Variants in NFASC observed in about 807,000 individuals in gnomAD.
NFASC encodes neurofascin homolog.
In NFASC, 43 loss-of-function variants were observed where a neutral mutation model predicts 147.5. The ratio of observed to expected loss-of-function variants is 0.29; its 90% CI spans 0.23 to 0.38. The LOEUF (loss-of-function observed/expected upper bound fraction) is 0.38, where lower values mean the gene tolerates loss of function less well. NFASC is among the 10% of genes least tolerant of loss of function. NFASC has a pLI of 1.00. For missense variants in NFASC, 1,320 were observed against 1,689.0 expected, an observed-to-expected ratio of 0.78 and a Z score of 3.83; for synonymous variants, 622 against 665.5, an observed-to-expected ratio of 0.93 and a Z score of 1.01.
chr1:204,994,916 C>T (rs1310458380), intron 24 of NFASC, among the ~76,000 whole-genome samples: 1 of 151,782 alleles, frequency 6.6e-6, no homozygotes, highest in African/African-American at 2.4e-5. Context: ...AGTTCAAGAC[C>T]AGCCTGGGTT....
chr1:204,980,790 A>G (rs544675421), intron 20 of NFASC, among the ~76,000 whole-genome samples: 1 of 152,292 alleles, frequency 6.6e-6, no homozygotes, highest in Non-Finnish European at 1.5e-5. Context: ...TCTAAGCACA[A>G]CACCAAACCA....
intron 8 of NFASC, chr1:204,967,970 T>TATCATTCAAAAAGA: frequency 3.0e-6 from 1 of 337,678 alleles, no homozygotes; most frequent in Middle Eastern, 8.5e-4. Context: ...CCCCTCCCCG[T>TATCATTCAAAAAGA]TCCAGGGAAG....
chr1:204,856,938 G>T (rs1473459762), intron 1 of NFASC, among the ~76,000 whole-genome samples: 1 of 152,078 alleles, frequency 6.6e-6, no homozygotes, highest in Non-Finnish European at 1.5e-5. Flanking sequence ...ATAGATTTTT[G>T]GACTGTTTCC....
chr1:204,883,534 A>G (rs565138759), intron 1 of NFASC, among the ~76,000 whole-genome samples: 1 of 152,278 alleles, frequency 6.6e-6, no homozygotes, highest in East Asian at 1.9e-4. Flanking sequence ...GTGGAAGATG[A>G]CCCAGCCCTC....
At chr1:204,837,152 T>A (rs1362573560) in intron 1 of NFASC, among the ~76,000 whole-genome samples, 1 of 152,204 alleles carries the variant, frequency 6.6e-6, no homozygotes, top group East Asian at 1.9e-4. Context: ...TGATAGGTAA[T>A]TAAGTTTCTA....
intron 1 of NFASC, among the ~76,000 whole-genome samples, chr1:204,887,823 C>T (rs1332208965): frequency 6.6e-6 from 1 of 152,016 alleles, no homozygotes; most frequent in Admixed American, 6.6e-5. Flanking sequence ...GTCTCAAACT[C>T]CTGGGCCCAA....
Position 204,968,172 on chromosome 1 carries a change from C to A in NFASC, c.707-77C>A. ...GCAGGGGCGGTGATGCCACTTCTCT[C>A]TAGCCTGACAGCGTTGGCCTAGTGG... On this transcript the variant is annotated intron_variant, in intron 8 of 29. Coordinates refer to ENST00000339876, the MANE Select transcript of NFASC (RefSeq NM_001005388.3). This position sits in a 1 kb window ranked among gnomAD's most constrained non-coding sequence, Gnocchi z 5.4. The A allele has an allele frequency of 9.3e-7, 1 of 1,074,136 alleles. No homozygotes were observed. Among genetic ancestry groups the A allele is most frequent in the Non-Finnish European group, 1.4e-6 (1 of 693,830 alleles). 66.5% of individuals were successfully genotyped at this position (1,074,136 alleles called of 1,614,324 possible).
intron 5 of NFASC, 51 bp downstream of exon 5, chr1:204,952,167 C>A: frequency 2.1e-6 from 3 of 1,405,328 alleles, no homozygotes; most frequent in Non-Finnish European, 3.0e-6. Context: ...TGCCTCTGGG[C>A]CTGATGATAA....
intron 2 of NFASC, among the ~76,000 whole-genome samples, chr1:204,930,776 A>G (rs1214792572): frequency 6.6e-6 from 1 of 152,234 alleles, no homozygotes; most frequent in Admixed American, 6.5e-5. Flanking sequence ...AAGGAAGAGA[A>G]TAGCATTTCT....
intron 1 of NFASC, among the ~76,000 whole-genome samples, chr1:204,840,143 TG>T (rs1484808852): frequency 6.6e-6 from 1 of 152,212 alleles, no homozygotes; most frequent in Non-Finnish European, 1.5e-5. Flanking sequence ...AGGTCTGGAC[TG>T]GGTTTGAGAT....
intron 10 of NFASC, 38 bp from the exon 11 acceptor site, chr1:204,970,578 C>T (rs1168628936): frequency 6.2e-7 from 1 of 1,611,968 alleles, no homozygotes; most frequent in African/African-American, 1.3e-5. Context: ...TGTCCCATGC[C>T]ATCTAACTCC....
intron 2 of NFASC, among the ~76,000 whole-genome samples, chr1:204,933,999 G>A (rs1338412835): frequency 2.6e-5 from 4 of 152,006 alleles, no homozygotes; most frequent in East Asian, 1.9e-4. Flanking sequence ...TTAGCTGGGC[G>A]TGGTGGCAGG....
intron 27 of NFASC, among the ~76,000 whole-genome samples, chr1:205,006,933 G>A (rs2096125075): frequency 6.7e-6 from 1 of 149,690 alleles, no homozygotes; most frequent in South Asian, 2.1e-4. Context: ...GATGAATAAA[G>A]GGTCACTGGT....
At position 204,943,992 on chromosome 1, in the gene NFASC, A is replaced by T. The variant is rs146463468; in HGVS notation, c.-90-234A>T. Among the ~76,000 whole-genome samples, 202 of 152,320 alleles carry T rather than the reference A, an allele frequency of 1.3e-3. 1 individual carries two copies. Among genetic ancestry groups the T allele is most frequent in the African/African-American group, 2.4e-3 (100 of 41,572 alleles). On this transcript the variant is annotated intron_variant, in intron 2 of 29. Transcript: ENST00000339876. ...AAGGGGGTGGGCTGTACTGGCTTCT[A>T]TCGGGTAGAGGTCAGAGATGCTGCT...
At chr1:204,978,908 C>A in intron 17 of NFASC, 60 bp from the exon 18 acceptor site, 1 of 1,321,434 alleles carries the variant, frequency 7.6e-7, no homozygotes, top group South Asian at 1.3e-5. Context: ...AGGGCTAGGG[C>A]CATCACAAGG....
chr1:204,869,615 T>C (rs528923985), intron 1 of NFASC, among the ~76,000 whole-genome samples: 6 of 152,352 alleles, frequency 3.9e-5, no homozygotes, highest in Non-Finnish European at 7.3e-5. Context: ...AGAATCTTTG[T>C]ACTCAAGTTG....
intron 1 of NFASC, among the ~76,000 whole-genome samples, chr1:204,917,292 A>G (rs2089499680): frequency 6.6e-6 from 1 of 152,254 alleles, no homozygotes; most frequent in Non-Finnish European, 1.5e-5. Context: ...TCTATCATTC[A>G]GAAGAATTTC....
chr1:205,001,060 C>T (rs2095972724), intron 25 of NFASC, 110 bp from the exon 26 acceptor site: 23 of 720,700 alleles, frequency 3.2e-5, no homozygotes, highest in South Asian at 7.5e-5. Context: ...TGTGCGTGCG[C>T]GAGTGTGGGC....
At chr1:204,966,141 A>G (rs1012848736) in intron 8 of NFASC, among the ~76,000 whole-genome samples, 18 of 152,000 alleles carry the variant, frequency 1.2e-4, no homozygotes, top group African/African-American at 4.3e-4. Flanking sequence ...GGATAATTCT[A>G]TTGTTGCTAG....
Sources: allele counts gnomAD v4.1 joint callset (sites outside exome capture counted in the v4.1 genomes callset), GRCh38; gene constraint gnomAD v4.1.1; non-coding constraint Gnocchi (gnomAD v3.1); transcripts MANE v1.5; gene names NCBI Gene and HGNC (gene_info 2026-07-23, HGNC 2026-07-21).